The following SNX2 variants were observed in gnomAD, a reference collection of about 807,000 sequenced individuals.
SNX2 encodes the protein sorting nexin-2.
SNX2 carries 25 observed loss-of-function variants against 69.9 expected under a neutral mutation model. The observed-to-expected ratio is 0.36, with a 90% CI of 0.26 to 0.50. SNX2 has a LOEUF of 0.50. Ranked by LOEUF, SNX2 falls within the 20% of genes least tolerant of loss-of-function variation. The pLI is 0.97. For synonymous variants in SNX2, 229 were observed against 200.4 expected, an observed-to-expected ratio of 1.14 and a Z score of -1.20; for missense variants, 551 against 613.3, an observed-to-expected ratio of 0.90 and a Z score of 1.07.
At chr5:122,827,747 A>G in intron 14 of SNX2, 101 bp downstream of exon 14, 1 of 791,596 alleles carries the variant, frequency 1.3e-6, no homozygotes, top group South Asian at 1.7e-5. Flanking sequence ...TAAACTCAAG[A>G]ATAAGAAATG....
intron 11 of SNX2, among the ~76,000 whole-genome samples, chr5:122,822,292 T>C (rs747109778): frequency 1.3e-5 from 2 of 152,108 alleles, no homozygotes; most frequent in African/African-American, 2.4e-5. Context: ...GGTTTCACCT[T>C]GCCAGGATGG....
At chr5:122,803,883 A>G in intron 6 of SNX2, 1 of 245,308 alleles carries the variant, frequency 4.1e-6, no homozygotes, top group Non-Finnish European at 7.7e-6. Flanking sequence ...TCACACCTGT[A>G]ATTCCAGCAC....
intron 11 of SNX2, 34 bp downstream of exon 11, chr5:122,819,057 C>T (rs1459851583): frequency 5.3e-6 from 8 of 1,520,036 alleles, no homozygotes; most frequent in East Asian, 2.3e-5. Context: ...TCACTTGTGT[C>T]GTGTACTTTA....
At chr5:122,809,563 G>T (rs1359385679) in intron 7 of SNX2, among the ~76,000 whole-genome samples, 2 of 152,112 alleles carry the variant, frequency 1.3e-5, no homozygotes, top group East Asian at 3.9e-4. Context: ...ACACAAGTTG[G>T]TAATTACCTA....
intron 1 of SNX2, among the ~76,000 whole-genome samples, chr5:122,793,647 C>T (rs551558359): frequency 7.2e-5 from 11 of 152,290 alleles, no homozygotes; most frequent in South Asian, 6.2e-4. Context: ...CAGTGGCTCA[C>T]GCCTATAATC....
Position 122,833,445 on chromosome 5 carries a change from T to C in SNX2, c.*3797T>C, listed in dbSNP as rs1754339350. 1 of 152,180 alleles carries C rather than the reference T, an allele frequency of 6.6e-6. No homozygotes were observed. The highest frequency in any genetic ancestry group is 2.1e-4 in the South Asian group (1 of 4,836). The allele number at this position is 152,180 out of a possible 1,614,324, so 9.4% of individuals were successfully genotyped here. On this transcript the variant is annotated 3_prime_UTR_variant, in exon 15 of 15. Coordinates refer to ENST00000379516, the MANE Select transcript of SNX2 (RefSeq NM_003100.4). ...GTAAAAAACAATTTTAATAATCCAG[T>C]AGCTCCAAAATATTATTTTAATATG...
chr5:122,823,436 G>A (rs1453772584), intron 11 of SNX2, among the ~76,000 whole-genome samples: 1 of 152,030 alleles, frequency 6.6e-6, no homozygotes, highest in Non-Finnish European at 1.5e-5. Flanking sequence ...ACATGTCCTG[G>A]TTCTAGAATA....
chr5:122,799,067 A>T (rs1208797289), intron 2 of SNX2, among the ~76,000 whole-genome samples: 1 of 152,156 alleles, frequency 6.6e-6, no homozygotes, highest in African/African-American at 2.4e-5. Context: ...GCCTGTAGAC[A>T]TTCAGTTTAT....
At chr5:122,814,415 G>C (rs868522411) in intron 7 of SNX2, among the ~76,000 whole-genome samples, 2 of 152,208 alleles carry the variant, frequency 1.3e-5, no homozygotes, top group Middle Eastern at 3.4e-3. Context: ...CCTGTTAAAT[G>C]CTCTGGTTCT....
chr5:122,784,504 A>AT (rs955001482), intron 1 of SNX2, among the ~76,000 whole-genome samples: 102 of 149,860 alleles, frequency 6.8e-4, no homozygotes, highest in African/African-American at 1.8e-3. Context: ...GATTATATTG[A>AT]TTTTTTTTTC....
At chr5:122,807,991 GGATCTTTTT>G (rs1267686423) in intron 6 of SNX2, among the ~76,000 whole-genome samples, 1 of 152,208 alleles carries the variant, frequency 6.6e-6, no homozygotes, top group Admixed American at 6.5e-5. Flanking sequence ...AACAGATAAG[GGATCTTTTT>G]GATGTAAGCT....
In SNX2 at chr5:122,827,435, T is replaced by C. The variant is rs963440784; in HGVS notation, c.1413T>C (p.Ile471=). Residue 471 remains isoleucine (I), a synonymous_variant, in exon 13 of 15, where the codon ATT becomes ATC. Coordinates refer to ENST00000379516, the MANE Select transcript of SNX2 (RefSeq NM_003100.4). ...ERDFEQISKT[I]RKEVGRFEKE... The stretch of plus-strand genomic sequence containing the variant: ...ATTTTGAACAGATATCTAAAACGAT[T>C]CGAAAAGAAGTGGGAAGATTTGAGG... The C allele has an allele frequency of 4.3e-6, 7 of 1,613,490 alleles. No homozygotes were observed. The highest frequency in any genetic ancestry group is 5.9e-6 in the Non-Finnish European group (7 of 1,179,616).
In SNX2 at chr5:122,829,709, A is replaced by T; in HGVS notation, c.*61A>T. ...TTGTTCCAGTTATGCTGGATTCCAC[A>T]GTGAAATCATTTAAAACCATCTAAA... On this transcript the variant is annotated 3_prime_UTR_variant, in exon 15 of 15. Transcript: ENST00000379516. 1 of 1,387,504 alleles carries T rather than the reference A, an allele frequency of 7.2e-7. No individual in the cohort carries two copies. Among genetic ancestry groups the T allele is most frequent in the Non-Finnish European group, 1.0e-6 (1 of 975,312 alleles). The allele number at this position is 1,387,504 out of a possible 1,614,324, so 85.9% of individuals were successfully genotyped here. A position where few individuals can be genotyped will look rare whatever the true frequency, so the allele number is the denominator to read the frequency against.
At chr5:122,806,111 TGC>T (rs1454021120) in intron 6 of SNX2, among the ~76,000 whole-genome samples, 2 of 64,578 alleles carry the variant, frequency 3.1e-5, no homozygotes, top group African/African-American at 1.2e-4. Flanking sequence ...TGTGTGTGTG[TGC>T]GTGTGTGTAT....
chr5:122,784,918 C>T lies in SNX2; in HGVS notation c.108+9707C>T, dbSNP rs146527211. ...CAAATTCAATTTTTTAAATACAGGACTGCTTCATGGTGAACTTTGGAAGTA... is the reference window on the plus strand; with the variant it reads ...CAAATTCAATTTTTTAAATACAGGATTGCTTCATGGTGAACTTTGGAAGTA... On this transcript the variant is annotated intron_variant, in intron 1 of 14. Coordinates refer to ENST00000379516, the MANE Select transcript of SNX2 (RefSeq NM_003100.4). 6.7e-3 allele frequency among the ~76,000 whole-genome samples: 1,023 copies of T among 152,276 alleles called. 20 individuals carry two copies. Among genetic ancestry groups the T allele is most frequent in the Admixed American group, 0.032 (484 of 15,300 alleles).
At position 122,775,110 on chromosome 5, in the gene SNX2, G is replaced by A. The variant is rs1445558654; in HGVS notation, c.7G>A (p.Ala3Thr). The A allele has an allele frequency of 3.1e-6, 5 of 1,587,536 alleles. No homozygotes were observed. Among genetic ancestry groups the A allele is most frequent in the East Asian group, 2.3e-5 (1 of 43,912 alleles). Residue 3 changes from alanine to threonine, a missense_variant, in exon 1 of 15, where the codon GCC becomes ACC. Transcript: ENST00000379516. ...GTCGTTCGGGTGAGCGAAGATGGCG[G>A]CCGAGAGGGAACCTCCTCCGCTGGG... is the stretch of plus-strand genomic sequence containing the variant. MAAEREPPPLGDG... is the reference protein window; with the variant it reads MATEREPPPLGDG...
intron 1 of SNX2, 173 bp downstream of exon 1, chr5:122,775,384 C>T (rs1342733997): frequency 2.9e-5 from 39 of 1,323,054 alleles, no homozygotes; most frequent in Middle Eastern, 2.8e-4. Flanking sequence ...TTGGGCTGAG[C>T]GCAGGGCCTC....
At chr5:122,777,712 T>G (rs116072603) in intron 1 of SNX2, among the ~76,000 whole-genome samples, 4,192 of 152,330 alleles carry the variant, frequency 0.028, 75 homozygotes, top group Middle Eastern at 0.058. Context: ...TATTTTTAAT[T>G]GACACATAAT....
chr5:122,817,619 TAAAA>T (rs562503560), intron 10 of SNX2, among the ~76,000 whole-genome samples: 1 of 151,162 alleles, frequency 6.6e-6, no homozygotes, highest in Non-Finnish European at 1.5e-5. Flanking sequence ...AGATGTGAGC[TAAAA>T]AAAAGAACAA....
Sources: gnomAD v4.1 joint callset for allele counts (sites outside exome capture counted in the v4.1 genomes callset) on GRCh38, gnomAD v4.1.1 for gene constraint, MANE v1.5 for transcripts, NCBI Gene and HGNC (gene_info 2026-07-23, HGNC 2026-07-21) for gene names.